SRGAP2: variants seen among roughly 807,000 people sequenced by gnomAD.
The protein encoded by SRGAP2 is SLIT-ROBO Rho GTPase activating protein 2, also known as SLIT-ROBO Rho GTPase-activating protein 2.
Under a neutral mutation model 57.2 loss-of-function variants are expected in SRGAP2, and 15 were observed. That is an observed-to-expected ratio of 0.26 (90% CI 0.18 to 0.40). SRGAP2 has a LOEUF of 0.40. SRGAP2 is among the 10% of genes least tolerant of loss of function. SRGAP2 has a pLI of 1.00. For synonymous variants in SRGAP2, 249 were observed against 248.0 expected, an observed-to-expected ratio of 1.00 and a Z score of -0.04; for missense variants, 520 against 669.6, an observed-to-expected ratio of 0.78 and a Z score of 2.47.
chr1:206,458,812 G>C lies in SRGAP2; in HGVS notation c.2697G>C (p.Gly899=), dbSNP rs1553379459. ...GPDKCSISGH[G]SLNSISRHSS... is the part of the protein sequence containing the mutation. ...ATAAGTGTTCCATCAGTGGGCACGG[G>C]AGCCTCAACTCCATCAGCCGCCACT... The change falls in exon 22 of 23, where the codon GGG becomes GGC. Residue 899 remains glycine (G), a synonymous_variant. Transcript: ENST00000573034. The C allele has an allele frequency of 1.3e-6, 1 of 780,692 alleles. No individual in the cohort carries two copies. The highest frequency in any genetic ancestry group is 1.7e-5 in the African/African-American group (1 of 59,154). 48.4% of individuals were successfully genotyped at this position (780,692 alleles called of 1,614,324 possible).
chr1:206,450,294 A>G, intron 18 of SRGAP2, 92 bp from the exon 19 acceptor site: 3 of 709,866 alleles, frequency 4.2e-6, no homozygotes, highest in Admixed American at 2.0e-5. Context: ...AGATGGATTC[A>G]GTGCCCTCGC....
At chr1:206,438,791 C>G (rs1039179174) in intron 16 of SRGAP2, among the ~76,000 whole-genome samples, 6 of 152,200 alleles carry the variant, frequency 3.9e-5, no homozygotes, top group Non-Finnish European at 8.8e-5. Context: ...GCTCCAGAGG[C>G]TGGAGGGAGT....
At chr1:206,426,381 A>G (rs1572125153) in intron 13 of SRGAP2, among the ~76,000 whole-genome samples, 1 of 152,214 alleles carries the variant, frequency 6.6e-6, no homozygotes, top group African/African-American at 2.4e-5. Context: ...ATTGATGGAC[A>G]CTTAGGTTGC....
intron 14 of SRGAP2, among the ~76,000 whole-genome samples, chr1:206,432,250 C>A (rs567279787): frequency 6.6e-6 from 1 of 152,276 alleles, no homozygotes; most frequent in East Asian, 1.9e-4. Context: ...CTGCCCCTTA[C>A]AGCCACAGTG....
intron 4 of SRGAP2, among the ~76,000 whole-genome samples, chr1:206,354,161 A>AAAAT (rs2102965723): frequency 6.6e-6 from 1 of 152,174 alleles, no homozygotes; most frequent in African/African-American, 2.4e-5. Context: ...TTTCCTCTTG[A>AAAAT]CTTTTTTTTA....
At chr1:206,431,178 C>G (rs1295896823) in intron 14 of SRGAP2, among the ~76,000 whole-genome samples, 2 of 152,198 alleles carry the variant, frequency 1.3e-5, no homozygotes, top group African/African-American at 4.8e-5. Context: ...CAATTGATCT[C>G]ATTCTAATCA....
intron 2 of SRGAP2, among the ~76,000 whole-genome samples, chr1:206,278,343 T>C (rs1376770477): frequency 7.3e-6 from 1 of 136,696 alleles, no homozygotes; most frequent in Admixed American, 7.4e-5. Flanking sequence ...TTTCTTCTAC[T>C]TTTTTTTTTT....
At chr1:206,426,182 C>T (rs1553366265) in intron 13 of SRGAP2, among the ~76,000 whole-genome samples, 1 of 152,168 alleles carries the variant, frequency 6.6e-6, no homozygotes, top group African/African-American at 2.4e-5. Context: ...TGCCTTCATG[C>T]AATCAAATTT....
intron 3 of SRGAP2, among the ~76,000 whole-genome samples, chr1:206,332,140 A>T: frequency 1.2e-5 from 1 of 85,170 alleles, no homozygotes; most frequent in East Asian, 3.1e-4. Flanking sequence ...ATTGGCCCCC[A>T]CTCTCTTCTG....
At chr1:206,438,177 G>C in intron 16 of SRGAP2, 79 bp downstream of exon 16, 1 of 723,660 alleles carries the variant, frequency 1.4e-6, no homozygotes, top group Non-Finnish European at 2.6e-6. Context: ...CACAGGGTCT[G>C]TGTGTTCTCA....
chr1:206,238,830 T>C (rs1212999599), intron 2 of SRGAP2, among the ~76,000 whole-genome samples: 3 of 151,002 alleles, frequency 2.0e-5, no homozygotes, highest in Admixed American at 2.0e-4. Flanking sequence ...CTGTCACTTT[T>C]CTTCCCAGGC....
At chr1:206,432,657 C>G (rs896224854) in intron 14 of SRGAP2, among the ~76,000 whole-genome samples, 26 of 152,056 alleles carry the variant, frequency 1.7e-4, no homozygotes, top group African/African-American at 6.3e-4. Context: ...GTGAAAAAAA[C>G]AAAATGTGAA....
At chr1:206,422,545 G>A (rs1249882429) in intron 13 of SRGAP2, among the ~76,000 whole-genome samples, 3 of 152,226 alleles carry the variant, frequency 2.0e-5, no homozygotes, top group African/African-American at 7.2e-5. Context: ...TGCAGAGGGA[G>A]CAAGCCATTT....
intron 3 of SRGAP2, among the ~76,000 whole-genome samples, chr1:206,326,717 T>A (rs1311354177): frequency 6.6e-6 from 1 of 152,252 alleles, no homozygotes; most frequent in Non-Finnish European, 1.5e-5. Context: ...AAGTCCCTTC[T>A]AGCTCTGAAA....
At chr1:206,430,523 C>T (rs1661198043) in intron 14 of SRGAP2, among the ~76,000 whole-genome samples, 1 of 152,224 alleles carries the variant, frequency 6.6e-6, no homozygotes, top group Non-Finnish European at 1.5e-5. Flanking sequence ...TATGTGGTAA[C>T]AGTAGTTTCA....
At chr1:206,396,109 A>T (rs1553353314) in intron 7 of SRGAP2, among the ~76,000 whole-genome samples, 1 of 148,954 alleles carries the variant, frequency 6.7e-6, no homozygotes, top group Non-Finnish European at 1.5e-5. Flanking sequence ...CAGCCTCCCG[A>T]GTAGCTGGGA....
intron 5 of SRGAP2, among the ~76,000 whole-genome samples, chr1:206,389,623 T>C (rs1299713235): frequency 7.8e-4 from 119 of 152,246 alleles, no homozygotes; most frequent in Admixed American, 1.3e-3. Context: ...GATGAGTTAC[T>C]GTTTGCCTAC....
chr1:206,220,624 C>T (rs1666924238), intron 2 of SRGAP2, among the ~76,000 whole-genome samples: 1 of 152,196 alleles, frequency 6.6e-6, no homozygotes, highest in Admixed American at 6.5e-5. Flanking sequence ...GTTCCAGTGA[C>T]CCAATCTATA....
intron 4 of SRGAP2, among the ~76,000 whole-genome samples, chr1:206,377,245 A>G (rs2103044273): frequency 6.6e-6 from 1 of 152,028 alleles, no homozygotes; most frequent in African/African-American, 2.4e-5. Flanking sequence ...TTAAAATATA[A>G]CTTGTCACTA....
Sources: gnomAD v4.1 joint callset for allele counts (sites outside exome capture counted in the v4.1 genomes callset) on GRCh38, gnomAD v4.1.1 for gene constraint, MANE v1.5 for transcripts, NCBI Gene and HGNC (gene_info 2026-07-23, HGNC 2026-07-21) for gene names.